Variants in DBF4 observed in about 807,000 individuals in gnomAD.
The protein encoded by DBF4 is DBF4-CDC7 kinase regulatory subunit.
Under a neutral mutation model 76.6 loss-of-function variants are expected in DBF4, and 25 were observed. That is an observed-to-expected ratio of 0.33 (90% CI 0.24 to 0.46). The LOEUF is 0.46. DBF4 is among the 20% of genes least tolerant of loss of function. The pLI is 1.00. For missense variants in DBF4, 638 were observed against 760.8 expected (o/e 0.84, Z 1.90); for synonymous variants, 213 against 258.0 (o/e 0.83, Z 1.67).
In DBF4 at chr7:87,908,224, A is replaced by G; in HGVS notation, c.*61A>G. Reference sequence around the variant, plus strand: ...GATCATATTCTTGAAATTTTTATAAATATGTATGGAAATTCTTAGGATTTT... The same window carrying G: ...GATCATATTCTTGAAATTTTTATAAGTATGTATGGAAATTCTTAGGATTTT... On this transcript the variant is annotated 3_prime_UTR_variant, in exon 12 of 12. Transcript: ENST00000265728. 1.5e-6 allele frequency: 2 copies of G among 1,348,048 alleles called. No individual in the cohort carries two copies. The highest frequency in any genetic ancestry group is 1.9e-6 in the Non-Finnish European group (2 of 1,035,248). The allele number at this position is 1,348,048 out of a possible 1,614,324, so 83.5% of individuals were successfully genotyped here.
At position 87,884,898 on chromosome 7, in the gene DBF4, C is replaced by T. The variant is rs1839306381; in HGVS notation, c.220-81C>T. 4.6e-6 allele frequency: 5 copies of T among 1,076,832 alleles called. No homozygotes were observed. In the South Asian group the frequency reaches 8.2e-5, roughly 18 times the overall value. The allele number at this position is 1,076,832 out of a possible 1,614,324, so 66.7% of individuals were successfully genotyped here. A position where few individuals can be genotyped will look rare whatever the true frequency, so the allele number is the denominator to read the frequency against. On this transcript the variant is annotated intron_variant, in intron 2 of 11. Coordinates refer to ENST00000265728, the MANE Select transcript of DBF4 (RefSeq NM_006716.4). Reference sequence around the variant, plus strand: ...GCTGCAGTGAGCTATGATTGTGCCACTGCACTCTAGCCTGGATAACACAGT... The same window carrying T: ...GCTGCAGTGAGCTATGATTGTGCCATTGCACTCTAGCCTGGATAACACAGT...
At chr7:87,886,623 G>A (rs1482626230) in intron 3 of DBF4, among the ~76,000 whole-genome samples, 1 of 150,392 alleles carries the variant, frequency 6.6e-6, no homozygotes, top group Non-Finnish European at 1.5e-5. Flanking sequence ...TGATTTAATA[G>A]GAACTAAAAT....
At chr7:87,895,203 C>T (rs1402790400) in intron 6 of DBF4, among the ~76,000 whole-genome samples, 3 of 152,142 alleles carry the variant, frequency 2.0e-5, no homozygotes, top group Admixed American at 1.3e-4. Flanking sequence ...GTATATTTTT[C>T]AGTCCTATTA....
At chr7:87,888,533 A>G (rs573560604) in intron 6 of DBF4, among the ~76,000 whole-genome samples, 7 of 152,158 alleles carry the variant, frequency 4.6e-5, no homozygotes, top group Admixed American at 1.3e-4. Context: ...TAATGTTCCC[A>G]TTATCTTCAG....
At chr7:87,896,532 A>G in intron 7 of DBF4, 22 bp downstream of exon 7, 1 of 1,606,902 alleles carries the variant, frequency 6.2e-7, no homozygotes. Context: ...GTGATCTTTA[A>G]GTGTATTTGG....
At position 87,885,093 on chromosome 7, in the gene DBF4, T is replaced by A. The variant is rs1476703; in HGVS notation, c.334T>A (p.Tyr112Asn). 32 of 1,613,812 alleles carry A rather than the reference T, an allele frequency of 2.0e-5. No homozygotes were observed. In the East Asian group the frequency reaches 7.1e-4, roughly 36 times the overall value. Reference protein sequence around the residue: ...ISPVPSPESAYTAETTSPHPS... With the variant: ...ISPVPSPESANTAETTSPHPS... Reference sequence around the variant, plus strand: ...TCCTGTACCAAGTCCAGAATCTGCATATACTGCAGAAACCACTTCACCTCA... The same window carrying A: ...TCCTGTACCAAGTCCAGAATCTGCAAATACTGCAGAAACCACTTCACCTCA... The change falls in exon 3 of 12, where the codon TAT (tyrosine) becomes AAT (asparagine). Residue 112 changes from tyrosine (Y) to asparagine (N), a missense_variant. By Grantham distance (143) the Tyr-to-Asn change is moderately radical. Transcript: ENST00000265728.
rs148127148 is a variant in DBF4 at position 87,877,610 on chromosome 7, A to C, written c.47-443A>C. The stretch of plus-strand genomic sequence containing the variant: ...AAACTTTATATGAAACTAAAACTTG[A>C]GCAGTCTGAAACCCTTGAGGACTAG... On this transcript the variant is annotated intron_variant, in intron 1 of 11. Coordinates refer to ENST00000265728, the MANE Select transcript of DBF4 (RefSeq NM_006716.4). Among the ~76,000 whole-genome samples, 189 of 152,362 alleles carry C rather than the reference A, an allele frequency of 1.2e-3. 1 individual carries two copies. Among genetic ancestry groups the C allele is most frequent in the Non-Finnish European group, 2.6e-4 (18 of 68,030 alleles).
intron 6 of DBF4, 65 bp from the exon 7 acceptor site, chr7:87,896,409 C>A: frequency 8.2e-7 from 1 of 1,219,018 alleles, no homozygotes; most frequent in Non-Finnish European, 1.2e-6. Context: ...AGATACTGAG[C>A]AATTGCAGTT....
chr7:87,884,924 G>A, intron 2 of DBF4, 55 bp from the exon 3 acceptor site: 1 of 1,318,360 alleles, frequency 7.6e-7, no homozygotes, highest in Non-Finnish European at 1.1e-6. Context: ...ATAACACAGT[G>A]AGACCGTGTT....
intron 2 of DBF4, among the ~76,000 whole-genome samples, chr7:87,879,115 A>G (rs1584349913): frequency 6.6e-6 from 1 of 152,068 alleles, no homozygotes; most frequent in East Asian, 1.9e-4. Context: ...CTCCTGGGTA[A>G]TTTTTGTATT....
chr7:87,893,199 T>C (rs989707106), intron 6 of DBF4, among the ~76,000 whole-genome samples: 10 of 152,128 alleles, frequency 6.6e-5, no homozygotes, highest in Non-Finnish European at 1.5e-4. Flanking sequence ...TTGAGTCATT[T>C]TGAAGCCTGT....
intron 11 of DBF4, 139 bp from the exon 12 acceptor site, chr7:87,907,049 T>G: frequency 1.1e-6 from 1 of 946,254 alleles, no homozygotes; most frequent in Non-Finnish European, 1.5e-6. Flanking sequence ...TTAAGATGTT[T>G]GTATTTTTGT....
rs1162204094 is a variant in DBF4, at chr7:87,877,113, G to T, written c.46+335G>T. 3.3e-5 allele frequency among the ~76,000 whole-genome samples: 5 copies of T among 152,186 alleles called. No individual in the cohort carries two copies. In the East Asian group the frequency reaches 7.7e-4, roughly 23 times the overall value. On this transcript the variant is annotated intron_variant, in intron 1 of 11. Coordinates refer to ENST00000265728, the MANE Select transcript of DBF4 (RefSeq NM_006716.4). ...GGGCTCTCGCATATGCTAAGCCTCC[G>T]CCCGGGCCCTTGGAGGCGACGGACT...
rs983823418 is a variant in DBF4 at position 87,907,958 on chromosome 7, A to G, written c.1820A>G (p.Glu607Gly). Residue 607 changes from glutamate to glycine, a missense_variant, in exon 12 of 12, where the codon GAA (glutamate) becomes GGA (glycine). Transcript: ENST00000265728. The stretch of plus-strand genomic sequence containing the variant: ...AGAACTGAATTTATTACACAAGAAG[A>G]AAACAGAATTTGTAGTTCACCGGTA... ...DKRTEFITQE[E>G]NRICSSPVQS... 5 of 1,612,396 alleles carry G rather than the reference A, an allele frequency of 3.1e-6. No homozygotes were observed. Among genetic ancestry groups the G allele is most frequent in the Non-Finnish European group, 4.2e-6 (5 of 1,179,540 alleles).
intron 8 of DBF4, among the ~76,000 whole-genome samples, chr7:87,898,551 G>A (rs1053845160): frequency 2.6e-5 from 4 of 152,100 alleles, no homozygotes; most frequent in Non-Finnish European, 5.9e-5. Context: ...TAGCACTTTG[G>A]GAGGCCGAGG....
rs1839948375 is a variant in DBF4 at position 87,907,828 on chromosome 7, A to G, written c.1690A>G (p.Lys564Glu). The change falls in exon 12 of 12, where the codon AAG becomes GAG. Residue 564 changes from lysine (K) to glutamate (E), a missense_variant. Transcript: ENST00000265728. ...PPEEPNECDFKNMDSLPSGKI... is the reference protein window; with the variant it reads ...PPEEPNECDFENMDSLPSGKI... Reference sequence around the variant, plus strand: ...TGAGGAACCCAATGAATGTGACTTCAAGAATATGGATAGTTTACCTTCTGG... The same window carrying G: ...TGAGGAACCCAATGAATGTGACTTCGAGAATATGGATAGTTTACCTTCTGG... 3 of 1,613,842 alleles carry G rather than the reference A, an allele frequency of 1.9e-6. No homozygotes were observed. Among genetic ancestry groups the G allele is most frequent in the Admixed American group, 1.7e-5 (1 of 59,972 alleles).
intron 4 of DBF4, 78 bp from the exon 5 acceptor site, chr7:87,887,251 A>C (rs1287918911): frequency 8.6e-7 from 1 of 1,160,990 alleles, no homozygotes; most frequent in Non-Finnish European, 1.2e-6. Context: ...ATTAAACTTC[A>C]AATAATTGAA....
chr7:87,895,230 A>G (rs888156431), intron 6 of DBF4, among the ~76,000 whole-genome samples: 1 of 151,994 alleles, frequency 6.6e-6, no homozygotes, highest in Admixed American at 6.6e-5. Flanking sequence ...TTTGGTTCTT[A>G]TTTGTAGTTT....
intron 11 of DBF4, among the ~76,000 whole-genome samples, chr7:87,905,565 T>C (rs1232119909): frequency 6.6e-6 from 1 of 152,190 alleles, no homozygotes; most frequent in Non-Finnish European, 1.5e-5. Flanking sequence ...CAACTGCACA[T>C]TGACAAAAAT....
Sources: gnomAD v4.1 joint callset for allele counts (sites outside exome capture counted in the v4.1 genomes callset) on GRCh38, gnomAD v4.1.1 for gene constraint, MANE v1.5 for transcripts, NCBI Gene and HGNC (gene_info 2026-07-23, HGNC 2026-07-21) for gene names.